Variants in ZNF532 observed in about 807,000 individuals in gnomAD.
The protein encoded by ZNF532 is zinc finger protein 532.
ZNF532 carries 22 observed loss-of-function variants against 89.3 expected under a neutral mutation model. The observed-to-expected ratio is 0.25, with a 90% CI of 0.18 to 0.35. ZNF532 has a LOEUF of 0.35. ZNF532 is among the 10% of genes least tolerant of loss of function. ZNF532 has a pLI of 1.00. For synonymous variants in ZNF532, 606 were observed against 649.6 expected (o/e 0.93, Z 1.02); for missense variants, 1,132 against 1,643.4 (o/e 0.69, Z 5.38).
At position 58,919,761 on chromosome 18, in the gene ZNF532, G is replaced by A. The variant is rs1222221278; in HGVS notation, c.1474G>A (p.Ala492Thr). The change falls in exon 3 of 10, where the codon GCC becomes ACC. Residue 492 changes from alanine (A) to threonine (T), a missense_variant. Coordinates refer to ENST00000591808, the MANE Select transcript of ZNF532 (RefSeq NM_001375912.1). The surrounding 1 kb of genome is among the most constrained non-coding windows in gnomAD (Gnocchi z 6.1). ...TGCCTCTGTCCAGAGTGCCAGCAGC[G>A]CCATCATTAAAGCTGCCAACGCCAT... Reference protein sequence around the residue: ...SAASVQSASSAIIKAANAIQQ... With the variant: ...SAASVQSASSTIIKAANAIQQ... The A allele has an allele frequency of 3.1e-6, 5 of 1,613,968 alleles. No homozygotes were observed. Among genetic ancestry groups the A allele is most frequent in the Non-Finnish European group, 4.2e-6 (5 of 1,179,994 alleles).
chr18:58,978,402 A>G (rs1331135225), intron 7 of ZNF532, among the ~76,000 whole-genome samples: 1 of 152,186 alleles, frequency 6.6e-6, no homozygotes, highest in Non-Finnish European at 1.5e-5. Flanking sequence ...ATCTACCACA[A>G]ATTAGGTAGT....
upstream of ZNF532, chr18:58,864,573 G>A (rs2056272879): frequency 6.7e-6 from 1 of 150,032 alleles, no homozygotes; most frequent in Non-Finnish European, 1.5e-5. Flanking sequence ...TGTCTGCGGT[G>A]GGCTGTGGGG....
intron 2 of ZNF532, among the ~76,000 whole-genome samples, chr18:58,890,656 A>G (rs1258100965): frequency 1.3e-5 from 2 of 150,160 alleles, no homozygotes; most frequent in African/African-American, 4.9e-5. Context: ...CTTATTAAGT[A>G]CTACCTGTAT....
chr18:58,954,428 G>T, intron 7 of ZNF532: 1 of 226,860 alleles, frequency 4.4e-6, no homozygotes, highest in Non-Finnish European at 7.3e-6. Flanking sequence ...ATCTAATACT[G>T]TATTAAATAC....
intron 9 of ZNF532, among the ~76,000 whole-genome samples, chr18:58,982,235 C>A (rs113313475): frequency 0.022 from 3,367 of 152,030 alleles, 123 homozygotes; most frequent in African/African-American, 0.077. Context: ...ACCCAGGAGG[C>A]AGAGGTTGCA....
chr18:58,930,424 C>G (rs962110586), intron 3 of ZNF532, among the ~76,000 whole-genome samples: 1 of 152,008 alleles, frequency 6.6e-6, no homozygotes, highest in East Asian at 1.9e-4. Context: ...CTCAGGAGTT[C>G]GAGACCAGCC....
At position 58,918,746 on chromosome 18, in the gene ZNF532, G is replaced by C. The variant is rs763728857; in HGVS notation, c.459G>C (p.Glu153Asp). ...AGGTGGATGACCCCCCTGACAAGGA[G>C]GACATGCGATCAAGCTTCAGGTCGA... ...KIEVDDPPDK[E>D]DMRSSFRSNV... is the part of the protein sequence containing the mutation. The change falls in exon 3 of 10, where the codon GAG (glutamate) becomes GAC (aspartate). Residue 153 changes from glutamate to aspartate, a missense_variant. By Grantham distance (45) the Glu-to-Asp change is conservative. Coordinates refer to ENST00000591808, the MANE Select transcript of ZNF532 (RefSeq NM_001375912.1). 3.7e-6 allele frequency: 6 copies of C among 1,614,090 alleles called. No individual in the cohort carries two copies. The East Asian group carries it at 1.3e-4, about 36-fold the overall frequency.
rs542498770 is a variant in ZNF532, at chr18:58,872,575, A to C, written c.-18+6996A>C. On this transcript the variant is annotated intron_variant, in intron 2 of 9. Transcript: ENST00000591808. The stretch of plus-strand genomic sequence containing the variant: ...TGTAGTTATCTCATTTTCTACAGTG[A>C]GCCCACATTGGAGGGTGGGGCCATC... Among the ~76,000 whole-genome samples the C allele has an allele frequency of 8.5e-5, 13 of 152,304 alleles. 1 individual carries two copies. In the South Asian group the frequency reaches 2.3e-3, roughly 27 times the overall value.
At chr18:58,881,013 T>C (rs1321725058) in intron 2 of ZNF532, among the ~76,000 whole-genome samples, 1 of 152,188 alleles carries the variant, frequency 6.6e-6, no homozygotes. Flanking sequence ...CAAATTGAGC[T>C]ATAACATATT....
chr18:58,875,750 T>C (rs536035184), intron 2 of ZNF532, among the ~76,000 whole-genome samples: 1 of 152,282 alleles, frequency 6.6e-6, no homozygotes, highest in Non-Finnish European at 1.5e-5. Context: ...TAGTAGGTGA[T>C]CGACCCTAGA....
At chr18:58,962,810 C>T (rs1236551806) in intron 7 of ZNF532, among the ~76,000 whole-genome samples, 1 of 152,122 alleles carries the variant, frequency 6.6e-6, no homozygotes, top group Non-Finnish European at 1.5e-5. Context: ...ACCATGTTAG[C>T]CAGGATGGTC....
intron 2 of ZNF532, among the ~76,000 whole-genome samples, chr18:58,890,919 A>G (rs2058854083): frequency 6.7e-6 from 1 of 150,222 alleles, no homozygotes; most frequent in African/African-American, 2.5e-5. Context: ...ATCATAGCTC[A>G]CTGCAGCCTT....
chr18:58,944,884 C>A (rs991533119), intron 5 of ZNF532, among the ~76,000 whole-genome samples: 1 of 152,152 alleles, frequency 6.6e-6, no homozygotes, highest in African/African-American at 2.4e-5. Flanking sequence ...TGTCTCCCTC[C>A]CTGCTTTGTA....
At chr18:58,924,329 G>T (rs993418698) in intron 3 of ZNF532, among the ~76,000 whole-genome samples, 4 of 152,218 alleles carry the variant, frequency 2.6e-5, no homozygotes, top group Non-Finnish European at 4.4e-5. Flanking sequence ...TTAAGCCTGT[G>T]CCTGTGGCTC....
intron 7 of ZNF532, among the ~76,000 whole-genome samples, chr18:58,958,260 G>T (rs1424721209): frequency 1.3e-5 from 2 of 152,054 alleles, no homozygotes; most frequent in Non-Finnish European, 2.9e-5. Flanking sequence ...CAGATATTCA[G>T]TGCATATTTA....
At chr18:58,959,895 CAT>C (rs1162351421) in intron 7 of ZNF532, among the ~76,000 whole-genome samples, 2 of 152,114 alleles carry the variant, frequency 1.3e-5, no homozygotes, top group Non-Finnish European at 2.9e-5. Flanking sequence ...GAAGGTTCTG[CAT>C]ACAGAGACGT....
At chr18:58,953,855 C>T in intron 7 of ZNF532, 56 bp downstream of exon 7, 1 of 1,542,734 alleles carries the variant, frequency 6.5e-7, no homozygotes, top group Non-Finnish European at 8.7e-7. Context: ...ACTGGACTGG[C>T]AAGCTTCCAA....
intron 7 of ZNF532, among the ~76,000 whole-genome samples, chr18:58,958,065 CAAAAA>C (rs71336311): frequency 7.2e-5 from 9 of 124,614 alleles, no homozygotes; most frequent in Admixed American, 6.5e-4. Flanking sequence ...GACAATGTGT[CAAAAA>C]AAAAAAAAAA....
intron 7 of ZNF532, 112 bp downstream of exon 7, chr18:58,953,911 CT>C: frequency 6.8e-7 from 1 of 1,468,398 alleles, no homozygotes; most frequent in Non-Finnish European, 9.0e-7. Context: ...GTGCTGTGAC[CT>C]TAAAAATCAC....
Sources: allele counts gnomAD v4.1 joint callset (sites outside exome capture counted in the v4.1 genomes callset), GRCh38; gene constraint gnomAD v4.1.1; non-coding constraint Gnocchi (gnomAD v3.1); transcripts MANE v1.5; gene names NCBI Gene and HGNC (gene_info 2026-07-23, HGNC 2026-07-21).